Variants in GRB14 observed in about 807,000 individuals in gnomAD.
GRB14 encodes growth factor receptor-bound protein 14.
A neutral mutation model predicts 69.1 loss-of-function variants in GRB14; 38 were observed. The observed-to-expected ratio is 0.55, with a 90% CI of 0.42 to 0.72. The LOEUF is 0.72. Among genes scored for constraint, GRB14 ranks in the 30% least tolerant of loss-of-function variants. The pLI, the probability that GRB14 is intolerant of heterozygous loss-of-function variation, is 0.00. For synonymous variants in GRB14, 247 were observed against 241.3 expected (o/e 1.02, Z -0.22); for missense variants, 666 against 666.1 (o/e 1.00, Z 0.00).
chr2:164,580,617 T>C (rs1464808742), intron 2 of GRB14, among the ~76,000 whole-genome samples: 1 of 151,448 alleles, frequency 6.6e-6, no homozygotes, highest in Non-Finnish European at 1.5e-5. Context: ...GGCAGGAGAA[T>C]CGCTTGAACC....
At chr2:164,533,474 C>A (rs147648298) in intron 3 of GRB14, among the ~76,000 whole-genome samples, 2,197 of 152,134 alleles carry the variant, frequency 0.014, 50 homozygotes, top group African/African-American at 0.05. Flanking sequence ...CCCGCCTCGG[C>A]CTCCCAAAGT....
chr2:164,582,417 A>ATTTT (rs1482393343), intron 2 of GRB14, among the ~76,000 whole-genome samples: 4 of 107,788 alleles, frequency 3.7e-5, no homozygotes, highest in Non-Finnish European at 5.2e-5. Flanking sequence ...TTATTTATTT[A>ATTTT]TTTATTATTT....
chr2:164,548,580 G>C (rs1444794418), intron 2 of GRB14, among the ~76,000 whole-genome samples: 1 of 151,822 alleles, frequency 6.6e-6, no homozygotes, highest in Non-Finnish European at 1.5e-5. Flanking sequence ...ATCCAAGAGA[G>C]GGATTGCTGG....
chr2:164,578,679 C>T (rs75628409), intron 2 of GRB14, among the ~76,000 whole-genome samples: 29 of 152,180 alleles, frequency 1.9e-4, no homozygotes, highest in African/African-American at 7.0e-4. Flanking sequence ...AAGGCTGGTA[C>T]AAGTGTCAAG....
At position 164,582,074 on chromosome 2, in the gene GRB14, C is replaced by T. The variant is rs145165635; in HGVS notation, c.325-34258G>A. Reference sequence around the variant, plus strand: ...GATGTTCCCAAATTTTTATCTTCTGCCCAGATATCTCTGCACAGCAATAGA... The same window carrying T: ...GATGTTCCCAAATTTTTATCTTCTGTCCAGATATCTCTGCACAGCAATAGA... On this transcript the variant is annotated intron_variant, in intron 2 of 13. Coordinates refer to ENST00000263915, the MANE Select transcript of GRB14 (RefSeq NM_004490.3). 2.4e-3 allele frequency among the ~76,000 whole-genome samples: 372 copies of T among 152,278 alleles called. 2 individuals carry two copies. The highest frequency in any genetic ancestry group is 7.8e-3 in the African/African-American group (323 of 41,544).
chr2:164,547,388 G>A (rs1688407101), intron 3 of GRB14, among the ~76,000 whole-genome samples: 1 of 152,038 alleles, frequency 6.6e-6, no homozygotes, highest in Admixed American at 6.6e-5. Context: ...AACAAATTGT[G>A]AACCTGAGAA....
chr2:164,572,815 A>G (rs1689155073), intron 2 of GRB14, among the ~76,000 whole-genome samples: 1 of 151,994 alleles, frequency 6.6e-6, no homozygotes, highest in South Asian at 2.1e-4. Flanking sequence ...TTATACAGAG[A>G]AAAAAAAGCA....
At chr2:164,602,273 A>G (rs1019001175) in intron 2 of GRB14, among the ~76,000 whole-genome samples, 2 of 152,118 alleles carry the variant, frequency 1.3e-5, no homozygotes, top group African/African-American at 4.8e-5. Flanking sequence ...TTAATCAAGT[A>G]ATACAGTCTT....
At chr2:164,554,026 C>T (rs1461706866) in intron 2 of GRB14, among the ~76,000 whole-genome samples, 2 of 151,940 alleles carry the variant, frequency 1.3e-5, no homozygotes, top group African/African-American at 4.8e-5. Flanking sequence ...GTTGAATATG[C>T]CTCTTGCCCA....
At position 164,574,277 on chromosome 2, in the gene GRB14, T is replaced by C. The variant is rs1188145087; in HGVS notation, c.325-26461A>G. Among the ~76,000 whole-genome samples, 3 of 148,148 alleles carry C rather than the reference T, an allele frequency of 2.0e-5. No homozygotes were observed. The East Asian group carries it at 6.0e-4, about 30-fold the overall frequency. ...TTTTTTTTGAGACGGAGCCTCACAC[T>C]GTCACCCAGGCTGGAATGCAATGGT... On this transcript the variant is annotated intron_variant, in intron 2 of 13. Coordinates refer to ENST00000263915, the MANE Select transcript of GRB14 (RefSeq NM_004490.3).
intron 2 of GRB14, among the ~76,000 whole-genome samples, chr2:164,588,268 G>A (rs1418970761): frequency 6.6e-6 from 1 of 152,118 alleles, no homozygotes; most frequent in Non-Finnish European, 1.5e-5. Flanking sequence ...GCCAAGGGTG[G>A]GAAAGAAATG....
chr2:164,588,505 G>A (rs191757744), intron 2 of GRB14, among the ~76,000 whole-genome samples: 29 of 152,266 alleles, frequency 1.9e-4, no homozygotes, highest in African/African-American at 6.3e-4. Flanking sequence ...CGTAGGTGGA[G>A]AGAGAAAAGT....
chr2:164,545,846 C>A (rs532890039), intron 3 of GRB14, among the ~76,000 whole-genome samples: 4 of 152,284 alleles, frequency 2.6e-5, no homozygotes, highest in African/African-American at 4.8e-5. Flanking sequence ...AGAACGAATT[C>A]TTTAGAACAT....
chr2:164,604,796 A>T (rs919301064), intron 2 of GRB14, among the ~76,000 whole-genome samples: 5 of 152,220 alleles, frequency 3.3e-5, no homozygotes, highest in African/African-American at 1.2e-4. Flanking sequence ...TTTTAATGAA[A>T]TATCCATAAT....
intron 9 of GRB14, among the ~76,000 whole-genome samples, chr2:164,497,910 C>T (rs976312899): frequency 2.0e-5 from 3 of 152,130 alleles, no homozygotes; most frequent in African/African-American, 4.8e-5. Context: ...GCTTTGAGAT[C>T]CGTCAGTCAT....
intron 13 of GRB14, among the ~76,000 whole-genome samples, chr2:164,493,945 T>C (rs1488556145): frequency 2.0e-5 from 3 of 152,096 alleles, no homozygotes; most frequent in Non-Finnish European, 2.9e-5. Context: ...AAGTTGTGTG[T>C]CACAGAGAAG....
intron 2 of GRB14, among the ~76,000 whole-genome samples, chr2:164,615,878 T>A (rs1265798962): frequency 6.6e-6 from 1 of 152,164 alleles, no homozygotes; most frequent in Non-Finnish European, 1.5e-5. Context: ...AAATAAAGAT[T>A]TCTAACTCTT....
intron 8 of GRB14, among the ~76,000 whole-genome samples, 168 bp from the exon 9 acceptor site, chr2:164,502,503 CATTTAAAAAGACA>C (rs1687082500): frequency 6.6e-6 from 1 of 152,070 alleles, no homozygotes; most frequent in Non-Finnish European, 1.5e-5. Flanking sequence ...TGCAACAATA[CATTTAAAAAGACA>C]ATTGAAGTCT....
chr2:164,602,136 A>AG (rs2105353061), intron 2 of GRB14, among the ~76,000 whole-genome samples: 1 of 151,160 alleles, frequency 6.6e-6, no homozygotes, highest in African/African-American at 2.4e-5. Context: ...TTAAATTTAA[A>AG]AAAAAAAAAA....
Sources: allele counts gnomAD v4.1 joint callset (sites outside exome capture counted in the v4.1 genomes callset), GRCh38; gene constraint gnomAD v4.1.1; transcripts MANE v1.5; gene names NCBI Gene and HGNC (gene_info 2026-07-23, HGNC 2026-07-21).